Variants in USP22 observed in about 807,000 individuals in gnomAD.
USP22 encodes ubiquitin specific peptidase 22.
USP22 carries 22 observed loss-of-function variants against 68.1 expected under a neutral mutation model. The ratio of observed to expected loss-of-function variants is 0.32; its 90% CI spans 0.23 to 0.46. The LOEUF (loss-of-function observed/expected upper bound fraction) is 0.46. Among genes scored for constraint, USP22 ranks in the 20% least tolerant of loss-of-function variants. The pLI is 1.00. For synonymous variants in USP22, 279 were observed against 274.2 expected (o/e 1.02, Z -0.17); for missense variants, 433 against 695.8 (o/e 0.62, Z 4.25).
intron 1 of USP22, among the ~76,000 whole-genome samples, chr17:21,031,124 AATAAATGGATAGAAG>A (rs1972285113): frequency 6.6e-6 from 1 of 152,216 alleles, no homozygotes; most frequent in East Asian, 1.9e-4. Flanking sequence ...TTATTTTCCA[AATAAATGGATAGAAG>A]ACAACTATTA....
In USP22 at chr17:21,007,948, G is replaced by A. The variant is rs748048021; in HGVS notation, c.1152C>T (p.Ser384=). The change falls in exon 9 of 13, where the codon AGC becomes AGT. Residue 384 remains serine, a synonymous_variant. Coordinates refer to ENST00000261497, the MANE Select transcript of USP22 (RefSeq NM_015276.2). ...TGGACTCCTGGTAGCTATGGCAACC[G>A]CTGCACTTGATCTTGGCGCTGCTGC... is the stretch of plus-strand genomic sequence containing the variant. ...HLGSSAKIKC[S]GCHSYQESTK... is the part of the protein sequence containing the mutation. The A allele has an allele frequency of 1.6e-5, 26 of 1,614,016 alleles. No individual in the cohort carries two copies. The East Asian group carries it at 4.0e-4, about 25-fold the overall frequency.
At chr17:21,018,237 CGAT>C in intron 4 of USP22, 126 bp from the exon 5 acceptor site, 1 of 658,538 alleles carries the variant, frequency 1.5e-6, no homozygotes, top group East Asian at 3.1e-5. Flanking sequence ...AGCCAGAACA[CGAT>C]GAGATATCGC....
intron 1 of USP22, among the ~76,000 whole-genome samples, chr17:21,034,601 T>C (rs1436271798): frequency 6.6e-6 from 1 of 152,158 alleles, no homozygotes; most frequent in Non-Finnish European, 1.5e-5. Context: ...GACCATCCCT[T>C]TGTCCAGCTT....
At chr17:21,019,224 G>A (rs1196644769) in intron 3 of USP22, 39 bp from the exon 4 acceptor site, 1 of 1,586,086 alleles carries the variant, frequency 6.3e-7, no homozygotes, top group Non-Finnish European at 8.7e-7. Context: ...CTATTAGCTA[G>A]ATTTTCACAT....
chr17:21,007,750 GTTC>G, intron 9 of USP22, 117 bp downstream of exon 9: 1 of 1,303,896 alleles, frequency 7.7e-7, no homozygotes, highest in Non-Finnish European at 1.1e-6. Context: ...CTTCCTCGGT[GTTC>G]TTCCTGCTTG....
In USP22 at chr17:21,007,860, G is replaced by T. The variant is rs2291034; in HGVS notation, c.1230+10C>A. The stretch of plus-strand genomic sequence containing the variant: ...GTCTGCCATTAGAGTTGGCTTTCTG[G>T]AAAACTTACTTTGAGATGAAAACAG... On this transcript the variant is annotated intron_variant, in intron 9 of 12. Coordinates refer to ENST00000261497, the MANE Select transcript of USP22 (RefSeq NM_015276.2). The T allele has an allele frequency of 0.15, 247,486 of 1,613,912 alleles. 20,677 individuals carry two copies. The highest frequency in any genetic ancestry group is 0.27 in the South Asian group (24,785 of 91,070).
intron 3 of USP22, 91 bp downstream of exon 3, chr17:21,021,022 C>G (rs551933886): frequency 1.9e-6 from 2 of 1,045,316 alleles, no homozygotes; most frequent in East Asian, 4.9e-5. Context: ...CCACTTCCCA[C>G]CTAGGTACTT....
Position 21,042,872 on chromosome 17 carries a change from C to T in USP22, c.-37G>A, listed in dbSNP as rs981760514. ...CCCGGCCGCGCGCGGGGGGCGGCGG[C>T]GAGGGAGGCGAGGACGACGCCAGCG... On this transcript the variant is annotated 5_prime_UTR_variant, in exon 1 of 13. Coordinates refer to ENST00000261497, the MANE Select transcript of USP22 (RefSeq NM_015276.2). 9 of 1,218,260 alleles carry T rather than the reference C, an allele frequency of 7.4e-6. No homozygotes were observed. Among genetic ancestry groups the T allele is most frequent in the Non-Finnish European group, 6.2e-6 (6 of 973,874 alleles). 75.5% of individuals were successfully genotyped at this position (1,218,260 alleles called of 1,614,324 possible). A position where few individuals can be genotyped will look rare whatever the true frequency, so the allele number is the denominator to read the frequency against.
At chr17:21,007,796 A>C in intron 9 of USP22, 74 bp downstream of exon 9, 3 of 1,574,222 alleles carry the variant, frequency 1.9e-6, no homozygotes, top group Non-Finnish European at 2.6e-6. Context: ...TGCACAGCAA[A>C]CCAAAAGGCT....
At chr17:21,010,531 G>A (rs980966354) in intron 8 of USP22, among the ~76,000 whole-genome samples, 7 of 141,824 alleles carry the variant, frequency 4.9e-5, no homozygotes, top group Non-Finnish European at 8.0e-5. Context: ...ACAAAAATTA[G>A]CCAGGCGTGG....
intron 1 of USP22, 30 bp downstream of exon 1, chr17:21,042,635 G>C (rs1972454381): frequency 1.6e-6 from 2 of 1,259,704 alleles, no homozygotes; most frequent in Non-Finnish European, 2.0e-6. Flanking sequence ...AAGGCCCCGA[G>C]CCCGCCGCGC....
chr17:21,034,556 A>G (rs1972331299), intron 1 of USP22, among the ~76,000 whole-genome samples: 1 of 152,238 alleles, frequency 6.6e-6, no homozygotes, highest in South Asian at 2.1e-4. Context: ...TCTGAGAAAC[A>G]TGATGAAACT....
chr17:21,012,945 G>A lies in USP22; in HGVS notation c.839-10C>T, dbSNP rs755141299. 1.2e-6 allele frequency: 2 copies of A among 1,612,236 alleles called. No individual in the cohort carries two copies. The highest frequency in any genetic ancestry group is 1.7e-6 in the Non-Finnish European group (2 of 1,178,464). On this transcript the variant is annotated splice_polypyrimidine_tract_variant and intron_variant, in intron 6 of 12. Coordinates refer to ENST00000261497, the MANE Select transcript of USP22 (RefSeq NM_015276.2). ...TTCCCATTGTCATCACCTGGAGACAGACCACGGCTCTGGGATTAGTGTCTC... is the reference window on the plus strand; with the variant it reads ...TTCCCATTGTCATCACCTGGAGACAAACCACGGCTCTGGGATTAGTGTCTC...
intron 5 of USP22, 99 bp from the exon 6 acceptor site, chr17:21,015,998 C>T: frequency 7.1e-7 from 1 of 1,411,156 alleles, no homozygotes; most frequent in Non-Finnish European, 9.4e-7. Context: ...CTACCATTGG[C>T]TGTGGCTCAT....
At position 21,004,218 on chromosome 17, in the gene USP22, C is replaced by T; in HGVS notation, c.1519G>A (p.Val507Ile). The T allele has an allele frequency of 1.2e-6, 2 of 1,614,178 alleles. No homozygotes were observed. Among genetic ancestry groups the T allele is most frequent in the Non-Finnish European group, 1.7e-6 (2 of 1,180,014 alleles). ...AIITKASIKDVLDSEGYLLFY... is the reference protein window; with the variant it reads ...AIITKASIKDILDSEGYLLFY... ...AGGACGCACCCTTCGCTGTCCAGGA[C>T]GTCCTTGATGCTGGCCTTGGTGATG... Residue 507 changes from valine (V) to isoleucine (I), a missense_variant, in exon 12 of 13, where the codon GTC becomes ATC. By Grantham distance (29) the Val-to-Ile change is conservative. Coordinates refer to ENST00000261497, the MANE Select transcript of USP22 (RefSeq NM_015276.2).
intron 5 of USP22, among the ~76,000 whole-genome samples, chr17:21,016,452 G>A (rs1267161025): frequency 6.6e-6 from 1 of 152,180 alleles, no homozygotes; most frequent in East Asian, 1.9e-4. Context: ...ACCCACAGAG[G>A]GGTCTTGCCT....
intron 8 of USP22, among the ~76,000 whole-genome samples, 192 bp from the exon 9 acceptor site, chr17:21,008,188 A>T (rs1233686993): frequency 6.6e-6 from 1 of 152,212 alleles, no homozygotes; most frequent in Admixed American, 6.5e-5. Flanking sequence ...CAGAATATTT[A>T]TCTTAAATAT....
chr17:21,004,069 G>A (rs1913693588), intron 12 of USP22, 133 bp downstream of exon 12: 5 of 1,281,620 alleles, frequency 3.9e-6, no homozygotes, highest in Non-Finnish European at 5.3e-6. Flanking sequence ...TCCAGAACAG[G>A]CTTCATTACT....
chr17:21,003,089 G>A lies in USP22; in HGVS notation c.1536-16C>T, dbSNP rs764690642. ...CAGCAAGTACCTGTGGAGGCAGAGA[G>A]AGGGAGGAGGCTCACCTCTAACTCC... is the stretch of plus-strand genomic sequence containing the variant. On this transcript the variant is annotated splice_polypyrimidine_tract_variant and intron_variant, in intron 12 of 12. Coordinates refer to ENST00000261497, the MANE Select transcript of USP22 (RefSeq NM_015276.2). 4.3e-6 allele frequency: 7 copies of A among 1,613,848 alleles called. No individual in the cohort carries two copies. The Admixed American group carries it at 1.0e-4, about 23-fold the overall frequency.
Sources: gnomAD v4.1 joint callset for allele counts (sites outside exome capture counted in the v4.1 genomes callset) on GRCh38, gnomAD v4.1.1 for gene constraint, MANE v1.5 for transcripts, NCBI Gene and HGNC (gene_info 2026-07-23, HGNC 2026-07-21) for gene names.